Variants in IL23R observed in about 807,000 individuals in gnomAD.
The protein encoded by IL23R is interleukin 23 receptor.
A neutral mutation model predicts 56.9 loss-of-function variants in IL23R; 34 were observed. The observed-to-expected ratio is 0.60, with a 90% confidence interval of 0.45 to 0.80. IL23R has a LOEUF of 0.80. Ranked by LOEUF, IL23R falls within the 30% of genes least tolerant of loss-of-function variation. IL23R has a pLI of 0.00. For missense variants in IL23R, 635 were observed against 730.0 expected, an observed-to-expected ratio of 0.87 and a Z score of 1.50; for synonymous variants, 230 against 249.2, an observed-to-expected ratio of 0.92 and a Z score of 0.73.
intron 6 of IL23R, among the ~76,000 whole-genome samples, chr1:67,218,263 C>A (rs563831534): frequency 9.0e-5 from 6 of 66,422 alleles, no homozygotes; most frequent in East Asian, 1.2e-3. Flanking sequence ...TTTTCTCTGA[C>A]ACATACACAT....
At chr1:67,162,761 G>A (rs1646833641), upstream of IL23R, among the ~76,000 whole-genome samples, 1 of 152,162 alleles carries the variant, frequency 6.6e-6, no homozygotes, top group Non-Finnish European at 1.5e-5. Flanking sequence ...ATATTCTGGA[G>A]CTATTTACAC....
At chr1:67,194,703 C>A (rs991963973) in intron 4 of IL23R, among the ~76,000 whole-genome samples, 4 of 152,094 alleles carry the variant, frequency 2.6e-5, no homozygotes, top group Non-Finnish European at 5.9e-5. Context: ...TAGCCACAAA[C>A]CAATGAAGAA....
chr1:67,139,579 GT>G (rs912764900), intron 1 of IL23R, among the ~76,000 whole-genome samples: 4 of 152,112 alleles, frequency 2.6e-5, no homozygotes, highest in African/African-American at 9.7e-5. Flanking sequence ...ATTTACTTAT[GT>G]TTTTAAAGAT....
chr1:67,168,681 G>C (rs1646902745), intron 2 of IL23R, among the ~76,000 whole-genome samples: 1 of 152,172 alleles, frequency 6.6e-6, no homozygotes, highest in African/African-American at 2.4e-5. Flanking sequence ...AGTAGCTAGA[G>C]AATGGGGTTC....
intron 8 of IL23R, among the ~76,000 whole-genome samples, chr1:67,238,810 G>A (rs184847318): frequency 1.1e-4 from 17 of 152,288 alleles, no homozygotes; most frequent in African/African-American, 4.1e-4. Context: ...GCTTCAAATA[G>A]TCAGAAATAG....
At chr1:67,150,248 C>CTTTT (rs552806817) in intron 1 of IL23R, among the ~76,000 whole-genome samples, 12 of 110,262 alleles carry the variant, frequency 1.1e-4, no homozygotes, top group South Asian at 3.3e-4. Flanking sequence ...GCATTTCGAA[C>CTTTT]TTTTTTTTTT....
downstream of IL23R, among the ~76,000 whole-genome samples, chr1:67,260,858 C>G (rs1653182639): frequency 6.6e-6 from 1 of 152,074 alleles, no homozygotes; most frequent in African/African-American, 2.4e-5. Context: ...GATCAATGAT[C>G]ATGTGCCAGA....
chr1:67,249,342 T>C (rs534504142), intron 9 of IL23R, among the ~76,000 whole-genome samples: 1 of 152,332 alleles, frequency 6.6e-6, no homozygotes, highest in South Asian at 2.1e-4. Flanking sequence ...TTTTTATCCT[T>C]TCATGAACTT....
chr1:67,147,152 A>C (rs1393593779), intron 1 of IL23R, among the ~76,000 whole-genome samples: 6 of 152,134 alleles, frequency 3.9e-5, no homozygotes, highest in Non-Finnish European at 8.8e-5. Flanking sequence ...AATGAGGCCC[A>C]AAAGACTTAA....
At chr1:67,214,440 G>A (rs918553610) in intron 6 of IL23R, among the ~76,000 whole-genome samples, 1 of 152,138 alleles carries the variant, frequency 6.6e-6, no homozygotes, top group African/African-American at 2.4e-5. Context: ...CTGTCACAAA[G>A]GATTGTTATG....
intron 1 of IL23R, among the ~76,000 whole-genome samples, chr1:67,145,610 G>A (rs958929180): frequency 2.3e-4 from 35 of 151,988 alleles, no homozygotes; most frequent in Admixed American, 1.8e-3. Context: ...ACTATTGTGC[G>A]GTGTTTGGCA....
intron 6 of IL23R, among the ~76,000 whole-genome samples, chr1:67,213,239 C>G (rs790632): frequency 6.6e-6 from 1 of 152,014 alleles, no homozygotes; most frequent in Non-Finnish European, 1.5e-5. Context: ...TAAGATAAGC[C>G]CTTATATCAT....
intron 9 of IL23R, 132 bp downstream of exon 9, chr1:67,240,413 C>A: frequency 1.5e-6 from 1 of 689,602 alleles, no homozygotes; most frequent in Non-Finnish European, 2.6e-6. Context: ...ATAAAAAGAA[C>A]AATGTTTAAT....
At chr1:67,247,547 G>T (rs537498912) in intron 9 of IL23R, among the ~76,000 whole-genome samples, 9 of 151,924 alleles carry the variant, frequency 5.9e-5, no homozygotes, top group Non-Finnish European at 1.2e-4. Flanking sequence ...CAGGTGATCC[G>T]CCCACCTTGG....
intron 4 of IL23R, among the ~76,000 whole-genome samples, chr1:67,196,934 T>C (rs1328516585): frequency 6.6e-6 from 1 of 152,194 alleles, no homozygotes; most frequent in Non-Finnish European, 1.5e-5. Context: ...GATAATTTAG[T>C]TGTCAGTTTT....
chr1:67,264,639 A>G (rs1396267208), downstream of IL23R, among the ~76,000 whole-genome samples: 1 of 152,242 alleles, frequency 6.6e-6, no homozygotes, highest in African/African-American at 2.4e-5. Flanking sequence ...ACAGAATGTT[A>G]TTATGTGTCT....
At chr1:67,197,432 T>G (rs941875911) in intron 4 of IL23R, among the ~76,000 whole-genome samples, 2 of 152,134 alleles carry the variant, frequency 1.3e-5, no homozygotes, top group African/African-American at 4.8e-5. Context: ...CATGAAATAA[T>G]GGAGTAGGTA....
intron 7 of IL23R, among the ~76,000 whole-genome samples, chr1:67,229,461 T>G (rs1247796424): frequency 6.6e-6 from 1 of 152,188 alleles, no homozygotes; most frequent in Non-Finnish European, 1.5e-5. Flanking sequence ...AACTTAGGCC[T>G]TTGGGGTTTT....
At chr1:67,169,287 A>G in intron 2 of IL23R, 55 bp from the exon 3 acceptor site, 2 of 1,330,628 alleles carry the variant, frequency 1.5e-6, no homozygotes, top group Non-Finnish European at 2.1e-6. Flanking sequence ...TATTCTTCTG[A>G]ATCTCTTGAT....
Sources: gnomAD v4.1 joint callset for allele counts (sites outside exome capture counted in the v4.1 genomes callset) on GRCh38, gnomAD v4.1.1 for gene constraint, MANE v1.5 for transcripts, NCBI Gene and HGNC (gene_info 2026-07-23, HGNC 2026-07-21) for gene names.